APOH: variants seen among roughly 807,000 people sequenced by gnomAD.
APOH encodes the protein beta-2-glycoprotein 1.
In APOH, 48 loss-of-function variants were observed where a neutral mutation model predicts 39.8. That is an observed-to-expected ratio of 1.21 (90% CI 0.96 to 1.54). The LOEUF is 1.54. Among genes scored for constraint, APOH ranks in the 40% most tolerant of loss-of-function variants. APOH has a pLI of 0.00. For synonymous variants in APOH, 153 were observed against 151.1 expected (o/e 1.01, Z -0.09); for missense variants, 415 against 421.2 (o/e 0.99, Z 0.13).
chr17:66,218,165 G>C (rs945560930), intron 5 of APOH, among the ~76,000 whole-genome samples: 1 of 152,166 alleles, frequency 6.6e-6, no homozygotes, highest in African/African-American at 2.4e-5. Context: ...TGGTTTCAAA[G>C]TATCACCCAC....
At chr17:66,221,720 T>G (rs1317725722) in intron 4 of APOH, among the ~76,000 whole-genome samples, 1 of 152,144 alleles carries the variant, frequency 6.6e-6, no homozygotes, top group Admixed American at 6.5e-5. Context: ...ATTCTTGGTA[T>G]GGATGGAGCT....
chr17:66,224,761 A>G (rs2073429036), intron 3 of APOH, among the ~76,000 whole-genome samples: 3 of 147,692 alleles, frequency 2.0e-5, no homozygotes, highest in African/African-American at 7.6e-5. Flanking sequence ...AGGAAAGGAA[A>G]GGAAAGGAAA....
chr17:66,223,863 T>C, intron 3 of APOH, 89 bp from the exon 4 acceptor site: 1 of 1,162,164 alleles, frequency 8.6e-7, no homozygotes. Flanking sequence ...TGCTTCATGT[T>C]AATGCTATTG....
chr17:66,216,938 C>G lies in APOH; in HGVS notation c.634G>C (p.Asp212His), dbSNP rs777622243. The G allele has an allele frequency of 2.5e-6, 4 of 1,606,104 alleles. No homozygotes were observed. ...GCAGGATAGTTCACAAATCCATTGTCTGGTCTTGATGGGAATGGGCATTTT... is the reference window on the plus strand; with the variant it reads ...GCAGGATAGTTCACAAATCCATTGTGTGGTCTTGATGGGAATGGGCATTTT... ...EVKCPFPSRP[D>H]NGFVNYPAKP... The change falls in exon 6 of 8, where the codon GAC (aspartate) becomes CAC (histidine). Residue 212 changes from aspartate (D) to histidine (H), a missense_variant. Asp to His is a moderately conservative substitution (Grantham distance 81, BLOSUM62 -1). Transcript: ENST00000205948.
intron 2 of APOH, among the ~76,000 whole-genome samples, chr17:66,226,901 T>A (rs202180592): frequency 1.3e-5 from 2 of 151,454 alleles, no homozygotes; most frequent in African/African-American, 4.9e-5. Flanking sequence ...ATTTATTTTT[T>A]TTTTTGAGAC....
intron 5 of APOH, among the ~76,000 whole-genome samples, chr17:66,217,688 C>G (rs920319068): frequency 7.9e-5 from 12 of 152,108 alleles, no homozygotes; most frequent in African/African-American, 2.9e-4. Flanking sequence ...CAGTGGCTCA[C>G]TTCGGTCATC....
At chr17:66,223,572 T>A (rs8178837) in intron 4 of APOH, 126 bp downstream of exon 4, 53,170 of 778,342 alleles carry the variant, frequency 0.068, 1,910 homozygotes, top group African/African-American at 0.095. Context: ...AGGATGAATA[T>A]CCCCCACAAG....
Position 66,215,752 on chromosome 17 carries a change from C to A in APOH, c.784+1036G>T, listed in dbSNP as rs1173518655. On this transcript the variant is annotated intron_variant, in intron 6 of 7. Coordinates refer to ENST00000205948, the MANE Select transcript of APOH (RefSeq NM_000042.3). Reference sequence around the variant, plus strand: ...GGAACCAGTGTCTCCAGGAAAGATGCCAGTTGGTGATGAATCCTGTAACTG... The same window carrying A: ...GGAACCAGTGTCTCCAGGAAAGATGACAGTTGGTGATGAATCCTGTAACTG... Among the ~76,000 whole-genome samples the A allele has an allele frequency of 3.3e-5, 5 of 152,140 alleles. No individual in the cohort carries two copies. In the East Asian group the frequency reaches 9.6e-4, roughly 29 times the overall value.
intron 7 of APOH, among the ~76,000 whole-genome samples, chr17:66,214,004 T>C (rs1274851846): frequency 6.6e-6 from 1 of 152,040 alleles, no homozygotes; most frequent in Non-Finnish European, 1.5e-5. Flanking sequence ...CTTCATATCA[T>C]TGTTTCTCCC....
At chr17:66,222,488 T>C (rs2073408264) in intron 4 of APOH, among the ~76,000 whole-genome samples, 3 of 152,114 alleles carry the variant, frequency 2.0e-5, no homozygotes, top group African/African-American at 7.2e-5. Flanking sequence ...ACTTAATTTG[T>C]CCTTTAAAAA....
chr17:66,228,945 G>A (rs908949205), intron 1 of APOH, among the ~76,000 whole-genome samples: 4 of 151,842 alleles, frequency 2.6e-5, no homozygotes, highest in Non-Finnish European at 5.9e-5. Context: ...CAATTCTCCT[G>A]CCTCAGCCTC....
At chr17:66,216,991 A>G (rs777028646) in intron 5 of APOH, 24 bp from the exon 6 acceptor site, 2 of 1,540,808 alleles carry the variant, frequency 1.3e-6, no homozygotes, top group Non-Finnish European at 1.8e-6. Flanking sequence ...TCAATAAGAC[A>G]TATTAGTAAT....
chr17:66,212,773 G>A (rs185976508), intron 7 of APOH, among the ~76,000 whole-genome samples: 89 of 152,300 alleles, frequency 5.8e-4, no homozygotes, highest in Middle Eastern at 3.4e-3. Flanking sequence ...AACAGTATCG[G>A]CCCTTTACAG....
chr17:66,221,415 G>GGAAA (rs1221261072), intron 4 of APOH, among the ~76,000 whole-genome samples: 3 of 83,146 alleles, frequency 3.6e-5, no homozygotes, highest in Admixed American at 2.4e-4. Context: ...AAGGAAGGAA[G>GGAAA]GAAGGAAGGA....
intron 1 of APOH, chr17:66,228,489 C>A: frequency 3.4e-6 from 1 of 296,762 alleles, no homozygotes. Context: ...CCAGTCCCTC[C>A]AGCATCCACT....
rs1228626247 is a variant in APOH at position 66,214,644 on chromosome 17, C to A, written c.791G>T (p.Cys264Phe). The change falls in exon 7 of 8, where the codon TGT (cysteine) becomes TTT (phenylalanine). Residue 264 changes from cysteine to phenylalanine, a missense_variant. Cys to Phe is a radical substitution (Grantham distance 205). Coordinates refer to ENST00000205948, the MANE Select transcript of APOH (RefSeq NM_000042.3). ...WSAMPSCKAS[C>F]KVPVKKATVV... ...AGTGGCTTTTTTCACAGGTACTTTA[C>A]AAGATGCTGAAAGAGAGAATACTTG... 1.5e-5 allele frequency: 24 copies of A among 1,610,518 alleles called. No homozygotes were observed. The highest frequency in any genetic ancestry group is 2.2e-5 in the East Asian group (1 of 44,764).
chr17:66,215,268 T>G (rs968764677), intron 6 of APOH, among the ~76,000 whole-genome samples: 2 of 152,200 alleles, frequency 1.3e-5, no homozygotes, highest in African/African-American at 4.8e-5. Flanking sequence ...TGAACCTCAT[T>G]TTAGCAGAGA....
intron 5 of APOH, among the ~76,000 whole-genome samples, chr17:66,217,775 C>A (rs1005393815): frequency 1.3e-5 from 2 of 151,984 alleles, no homozygotes; most frequent in African/African-American, 2.4e-5. Context: ...TGACAAAACC[C>A]CATCTCTACT....
rs149957085 is a variant in APOH at position 66,216,087 on chromosome 17, G to C, written c.784+701C>G. Reference sequence around the variant, plus strand: ...TGGTGGCTCACATCTGTAATCACTCGAACCTGGGAGGTGAAGGTTGCAGGG... The same window carrying C: ...TGGTGGCTCACATCTGTAATCACTCCAACCTGGGAGGTGAAGGTTGCAGGG... On this transcript the variant is annotated intron_variant, in intron 6 of 7. Transcript: ENST00000205948. 1.8e-3 allele frequency among the ~76,000 whole-genome samples: 272 copies of C among 149,462 alleles called. 1 individual carries two copies. The highest frequency in any genetic ancestry group is 2.8e-3 in the Non-Finnish European group (191 of 67,718).
Sources: gnomAD v4.1 joint callset for allele counts (sites outside exome capture counted in the v4.1 genomes callset) on GRCh38, gnomAD v4.1.1 for gene constraint, MANE v1.5 for transcripts, NCBI Gene and HGNC (gene_info 2026-07-23, HGNC 2026-07-21) for gene names.